The following CSGALNACT2 variants were observed in gnomAD, a reference collection of about 807,000 sequenced individuals.
CSGALNACT2 encodes beta 4 GalNAcT-2.
In CSGALNACT2, 35 loss-of-function variants were observed where a neutral mutation model predicts 55.3. The ratio of observed to expected loss-of-function variants is 0.63; its 90% confidence interval spans 0.48 to 0.84. CSGALNACT2 has a LOEUF of 0.84. Ranked by LOEUF, CSGALNACT2 falls within the 40% of genes least tolerant of loss-of-function variation. The probability of loss-of-function intolerance (pLI) is 0.00; values close to 1 mark genes in which losing one functional copy is unlikely to be tolerated. For synonymous variants in CSGALNACT2, 196 were observed against 224.9 expected (o/e 0.87, Z 1.15); for missense variants, 544 against 657.5 (o/e 0.83, Z 1.89).
intron 1 of CSGALNACT2, among the ~76,000 whole-genome samples, chr10:43,140,282 A>G (rs1024355813): frequency 3.9e-5 from 6 of 152,268 alleles, no homozygotes; most frequent in African/African-American, 1.4e-4. Context: ...GAGTCATGGC[A>G]TAAGCAGAAA....
At chr10:43,175,887 G>A (rs142222902) in intron 6 of CSGALNACT2, 64 bp from the exon 7 acceptor site, 96 of 1,393,632 alleles carry the variant, frequency 6.9e-5, no homozygotes, top group Middle Eastern at 1.8e-4. Context: ...TTGTTTCATC[G>A]TTGATTAAAA....
rs753158194 is a variant in CSGALNACT2, at chr10:43,155,760, A to C, written c.611A>C (p.Glu204Ala). 1.7e-5 allele frequency: 28 copies of C among 1,613,742 alleles called. No homozygotes were observed. The highest frequency in any genetic ancestry group is 2.3e-5 in the Non-Finnish European group (27 of 1,179,832). The change falls in exon 2 of 8, where the codon GAG (glutamate) becomes GCG (alanine). Residue 204 changes from glutamate to alanine, a missense_variant. Coordinates refer to ENST00000374466, the MANE Select transcript of CSGALNACT2 (RefSeq NM_018590.5). ...GAAGATGATGAACAAGAAGATGAGG[A>C]GGGTCCCCTTGGAGAGAAACTGATA... ...PDEDDEQEDE[E>A]GPLGEKLIFN...
At chr10:43,155,895 CTGTAGACAAATGCTAGTATTGTAT>C (rs1395573414) in intron 2 of CSGALNACT2, 85 bp downstream of exon 2, 20 of 1,125,444 alleles carry the variant, frequency 1.8e-5, no homozygotes, top group Non-Finnish European at 2.5e-5. Flanking sequence ...TAGTATTGTA[CTGTAGACAAATGCTAGTATTGTAT>C]TGTAGACAAA....
intron 1 of CSGALNACT2, among the ~76,000 whole-genome samples, chr10:43,145,408 TTC>T: frequency 7.3e-6 from 1 of 137,074 alleles, no homozygotes; most frequent in African/African-American, 2.8e-5. Context: ...GTTTGTTTGT[TTC>T]TTTTTTTTTT....
chr10:43,164,863 TTAA>T (rs1839227464), intron 5 of CSGALNACT2, among the ~76,000 whole-genome samples: 1 of 149,694 alleles, frequency 6.7e-6, no homozygotes, highest in African/African-American at 2.5e-5. Flanking sequence ...AAAAAAAAAA[TTAA>T]TGAGAAGATG....
intron 6 of CSGALNACT2, among the ~76,000 whole-genome samples, chr10:43,171,790 T>C (rs923226433): frequency 2.0e-5 from 3 of 152,242 alleles, no homozygotes; most frequent in African/African-American, 4.8e-5. Context: ...CCTTTGCAAG[T>C]TGCTTAACTT....
At chr10:43,166,908 TATA>T (rs1463130840) in intron 5 of CSGALNACT2, 93 bp from the exon 6 acceptor site, 18 of 631,138 alleles carry the variant, frequency 2.9e-5, no homozygotes, top group Admixed American at 6.3e-5. Context: ...TAAAATCATG[TATA>T]ATAAGACTTT....
At chr10:43,168,224 G>C (rs898338868) in intron 6 of CSGALNACT2, among the ~76,000 whole-genome samples, 1 of 152,112 alleles carries the variant, frequency 6.6e-6, no homozygotes, top group African/African-American at 2.4e-5. Context: ...AGGTCAAGAC[G>C]GGTGGATCAC....
intron 6 of CSGALNACT2, among the ~76,000 whole-genome samples, chr10:43,169,873 C>T (rs1170332051): frequency 6.6e-6 from 1 of 152,084 alleles, no homozygotes; most frequent in Non-Finnish European, 1.5e-5. Flanking sequence ...AACAATAAAG[C>T]AATACTATGA....
chr10:43,158,811 C>A lies in CSGALNACT2; in HGVS notation c.758C>A (p.Pro253His). The change falls in exon 3 of 8, where the codon CCT (proline) becomes CAT (histidine). Residue 253 changes from proline (P) to histidine (H), a missense_variant. Physicochemically the swap from Pro to His is moderately conservative, Grantham distance 77. Transcript: ENST00000374466. Reference sequence around the variant, plus strand: ...TATAGACATGTGACCCTCTTCCGCCCTTTTGGACCTCTCATGAAAGTGAAG... The same window carrying A: ...TATAGACATGTGACCCTCTTCCGCCATTTTGGACCTCTCATGAAAGTGAAG... ...TEYRHVTLFR[P>H]FGPLMKVKSE... The A allele has an allele frequency of 1.9e-6, 3 of 1,611,170 alleles. No individual in the cohort carries two copies. The highest frequency in any genetic ancestry group is 2.5e-6 in the Non-Finnish European group (3 of 1,177,560).
At chr10:43,163,303 A>G (rs897182254) in intron 4 of CSGALNACT2, 28 of 831,164 alleles carry the variant, frequency 3.4e-5, no homozygotes, top group Admixed American at 6.2e-5. Context: ...CACTGCATCC[A>G]TAGTAATGAA....
At chr10:43,141,440 C>T (rs1838620739) in intron 1 of CSGALNACT2, among the ~76,000 whole-genome samples, 4 of 151,604 alleles carry the variant, frequency 2.6e-5, no homozygotes, top group Admixed American at 1.3e-4. Context: ...TAGTCTTGAT[C>T]TCCTGACCTC....
Position 43,158,926 on chromosome 10 carries a change from C to T in CSGALNACT2, c.873C>T (p.Asn291=), listed in dbSNP as rs1186410929. Residue 291 remains asparagine, a synonymous_variant, in exon 3 of 8, where the codon AAC becomes AAT. Transcript: ENST00000374466. ...RTEAFVQFMQ[N]FRDVCIHQDK... is the part of the protein sequence containing the mutation. ...AAGCATTTGTACAATTTATGCAGAA[C>T]TTCAGGTAACTGTCAGGGCTTAATG... The T allele has an allele frequency of 2.5e-6, 4 of 1,582,154 alleles. No homozygotes were observed. The highest frequency in any genetic ancestry group is 1.3e-5 in the African/African-American group (1 of 74,280).
intron 2 of CSGALNACT2, among the ~76,000 whole-genome samples, chr10:43,156,492 A>G (rs2133114293): frequency 6.6e-6 from 1 of 152,348 alleles, no homozygotes; most frequent in South Asian, 2.1e-4. Context: ...TAGACATTTA[A>G]TTGCTGACTT....
intron 6 of CSGALNACT2, among the ~76,000 whole-genome samples, chr10:43,174,900 A>G (rs1231210243): frequency 6.6e-6 from 1 of 152,270 alleles, no homozygotes; most frequent in Non-Finnish European, 1.5e-5. Flanking sequence ...TGTTGAAAGT[A>G]TGAATAAAAT....
At chr10:43,144,298 A>G (rs558081538) in intron 1 of CSGALNACT2, among the ~76,000 whole-genome samples, 3 of 152,336 alleles carry the variant, frequency 2.0e-5, no homozygotes, top group African/African-American at 7.2e-5. Context: ...TGTTCATAGT[A>G]CCAAAAATTG....
intron 2 of CSGALNACT2, among the ~76,000 whole-genome samples, chr10:43,158,026 T>TAAA (rs770700775): frequency 6.0e-5 from 6 of 99,440 alleles, no homozygotes; most frequent in South Asian, 6.3e-4. Flanking sequence ...AGACTCCGTC[T>TAAA]AAAAAAAAAA....
At chr10:43,182,789 C>T (rs114049235) in intron 7 of CSGALNACT2, among the ~76,000 whole-genome samples, 1,953 of 150,510 alleles carry the variant, frequency 0.013, 46 homozygotes, top group African/African-American at 0.045. Flanking sequence ...ATGGGAGGAT[C>T]GCCTGAGCCA....
chr10:43,141,683 A>G (rs1275704513), intron 1 of CSGALNACT2, among the ~76,000 whole-genome samples: 1 of 151,154 alleles, frequency 6.6e-6, no homozygotes, highest in African/African-American at 2.4e-5. Flanking sequence ...TGACATGCAA[A>G]GTAGATCTAG....
Sources: allele counts gnomAD v4.1 joint callset (sites outside exome capture counted in the v4.1 genomes callset), GRCh38; gene constraint gnomAD v4.1.1; transcripts MANE v1.5; gene names NCBI Gene and HGNC (gene_info 2026-07-23, HGNC 2026-07-21).